Variants in MCF2 observed in about 807,000 individuals in gnomAD.
MCF2 encodes MCF.2 cell line derived transforming sequence.
MCF2 carries 44 observed loss-of-function variants against 82.5 expected under a neutral mutation model. The observed-to-expected ratio is 0.53, with a 90% CI of 0.42 to 0.69. MCF2 has a LOEUF of 0.69. Among genes scored for constraint, MCF2 ranks in the 30% least tolerant of loss-of-function variants. The pLI is 0.00. For synonymous variants in MCF2, 217 were observed against 224.9 expected, an observed-to-expected ratio of 0.96 and a Z score of 0.32; for missense variants, 623 against 663.1, an observed-to-expected ratio of 0.94 and a Z score of 0.66.
At chrX:139,614,891 T>C (rs753761394) in exon 10 of MCF2, 6 of 1,204,797 alleles carry the variant, frequency 5.0e-6, no homozygotes, top group African/African-American at 3.5e-5. Flanking sequence ...CTTGTTTAGA[T>C]GAAAAAAATG....
upstream of MCF2, chrX:139,645,569 G>A: frequency 1.7e-6 from 2 of 1,163,681 alleles, no homozygotes; most frequent in African/African-American, 1.8e-5. Context: ...GATACTTACC[G>A]AGATTTTTTG....
intron 1 of MCF2, among the ~76,000 whole-genome samples, chrX:139,638,048 C>T (rs755237704): frequency 1.8e-5 from 2 of 111,499 alleles, no homozygotes; most frequent in Non-Finnish European, 3.8e-5. Context: ...TGATTTTTAG[C>T]CCAGTTGGGT....
chrX:139,592,954 T>C (rs1245110895), intron 19 of MCF2, among the ~76,000 whole-genome samples: 1 of 111,989 alleles, frequency 8.9e-6, no homozygotes, highest in Non-Finnish European at 1.9e-5. Flanking sequence ...CTGTCCTCTT[T>C]ATAACTGCTA....
chrX:139,594,552 T>C (rs1428329304), intron 19 of MCF2, among the ~76,000 whole-genome samples: 29 of 111,071 alleles, frequency 2.6e-4, no homozygotes, highest in African/African-American at 9.5e-4. Flanking sequence ...GATCCCTTCC[T>C]TACACCTTAT....
intron 1 of MCF2, among the ~76,000 whole-genome samples, chrX:139,659,459 T>C (rs1934297138): frequency 9.0e-6 from 1 of 111,691 alleles, no homozygotes; most frequent in African/African-American, 3.3e-5. Flanking sequence ...ATCTATAAGC[T>C]TTCCCATTTT....
Position 139,615,849 on chromosome X carries a change from C to G in MCF2, c.1191+433G>C, listed in dbSNP as rs753384592. On this transcript the variant is annotated intron_variant, in intron 9 of 24. Transcript: ENST00000370576. ...TTCTCCAAGAAGACCCAAATCCTAT[C>G]TTTATGCTTTCATTCTCAAACTGAG... Among the ~76,000 whole-genome samples, 7 of 111,806 alleles carry G rather than the reference C, an allele frequency of 6.3e-5. No individual in the cohort carries two copies. The East Asian group carries it at 1.7e-3, about 27-fold the overall frequency.
chrX:139,632,362 A>G (rs971294756), exon 2 of MCF2: 2 of 1,197,978 alleles, frequency 1.7e-6, no homozygotes, highest in Non-Finnish European at 2.3e-6. Flanking sequence ...AATCCTCCTG[A>G]CTAAACCAAA....
intron 1 of MCF2, among the ~76,000 whole-genome samples, chrX:139,657,765 G>T (rs181872643): frequency 9.0e-6 from 1 of 111,508 alleles, no homozygotes; most frequent in African/African-American, 3.3e-5. Context: ...TTTATTGGTC[G>T]GTTGGTTGTT....
At chrX:139,684,977 T>C (rs2148568502) in intron 1 of MCF2, among the ~76,000 whole-genome samples, 1 of 111,558 alleles carries the variant, frequency 9.0e-6, no homozygotes, top group African/African-American at 3.3e-5. Context: ...TAATTGTATG[T>C]GAATTATAGC....
At chrX:139,662,803 A>G (rs1934392722) in intron 1 of MCF2, among the ~76,000 whole-genome samples, 1 of 110,671 alleles carries the variant, frequency 9.0e-6, no homozygotes, top group African/African-American at 3.3e-5. Flanking sequence ...CCCCTTCTCC[A>G]AATTCACCCT....
chrX:139,687,730 G>A (rs1479172934), intron 1 of MCF2, among the ~76,000 whole-genome samples: 1 of 112,428 alleles, frequency 8.9e-6, no homozygotes, highest in Non-Finnish European at 1.9e-5. Flanking sequence ...AATTTCACAT[G>A]TTATTATGCC....
chrX:139,622,019 A>C (rs1442408442), intron 6 of MCF2, among the ~76,000 whole-genome samples: 18 of 111,837 alleles, frequency 1.6e-4, no homozygotes, highest in Middle Eastern at 4.6e-3. Flanking sequence ...CAATGAACTC[A>C]AACAAATTTA....
At chrX:139,694,684 G>T (rs1398487111) in intron 1 of MCF2, among the ~76,000 whole-genome samples, 1 of 111,334 alleles carries the variant, frequency 9.0e-6, no homozygotes, top group African/African-American at 3.3e-5. Flanking sequence ...AATAATCAGA[G>T]GTTTTTGACA....
upstream of MCF2, chrX:139,646,763 GA>G: frequency 9.2e-6 from 8 of 867,991 alleles, no homozygotes; most frequent in Admixed American, 3.6e-5. Context: ...AAAGCGAATT[GA>G]AAAAAATGTA....
At chrX:139,645,987 A>G (rs12013923), upstream of MCF2, among the ~76,000 whole-genome samples, 19,889 of 111,058 alleles carry the variant, frequency 0.18, 1,548 homozygotes, top group South Asian at 0.35. Flanking sequence ...CCTTCATGAT[A>G]TCAGATTTAA....
intron 2 of MCF2, among the ~76,000 whole-genome samples, chrX:139,648,541 G>GCCA (rs1933885147): frequency 1.8e-5 from 2 of 111,838 alleles, no homozygotes; most frequent in African/African-American, 6.5e-5. Context: ...TAGTAAGATG[G>GCCA]TAGATTTAAA....
At chrX:139,583,322 T>A (rs1202712001) in intron 24 of MCF2, among the ~76,000 whole-genome samples, 3 of 112,287 alleles carry the variant, frequency 2.7e-5, no homozygotes, top group African/African-American at 9.7e-5. Context: ...TTAATATTTT[T>A]AAACAATTAT....
At chrX:139,693,511 CACAT>C (rs1280610297) in intron 1 of MCF2, among the ~76,000 whole-genome samples, 23 of 105,290 alleles carry the variant, frequency 2.2e-4, no homozygotes, top group Admixed American at 8.2e-4. Flanking sequence ...CACACACACA[CACAT>C]GTCCCCCCTA....
At chrX:139,606,578 C>T (rs1008981064) in intron 12 of MCF2, among the ~76,000 whole-genome samples, 1 of 111,259 alleles carries the variant, frequency 9.0e-6, no homozygotes, top group African/African-American at 3.3e-5. Context: ...AGGCTGGTCT[C>T]GAACTCCTGA....
Sources: gnomAD v4.1 joint callset for allele counts (sites outside exome capture counted in the v4.1 genomes callset) on GRCh38, gnomAD v4.1.1 for gene constraint, MANE v1.5 for transcripts, NCBI Gene and HGNC (gene_info 2026-07-23, HGNC 2026-07-21) for gene names.